The following COBL variants were observed in gnomAD, a reference collection of about 807,000 sequenced individuals.
The protein encoded by COBL is protein cordon-bleu.
Under a neutral mutation model 98.8 loss-of-function variants are expected in COBL, and 51 were observed. The ratio of observed to expected loss-of-function variants is 0.52; its 90% CI spans 0.41 to 0.65. The LOEUF is 0.65. Among genes scored for constraint, COBL ranks in the 30% least tolerant of loss-of-function variants. The pLI is 0.00. For synonymous variants in COBL, 634 were observed against 651.7 expected (o/e 0.97, Z 0.41); for missense variants, 1,617 against 1,617.5 (o/e 1.00, Z 0.01).
intron 4 of COBL, chr7:51,188,104 C>G: frequency 1.7e-6 from 1 of 590,506 alleles, no homozygotes; most frequent in East Asian, 3.5e-5. Context: ...GCTTGCCTCT[C>G]TGGGCTGGCC....
intron 7 of COBL, among the ~76,000 whole-genome samples, chr7:51,056,229 T>A (rs1177574739): frequency 5.6e-5 from 5 of 89,104 alleles, no homozygotes; most frequent in African/African-American, 1.4e-4. Context: ...CATGATGAAG[T>A]GGGGGCATGA....
intron 6 of COBL, among the ~76,000 whole-genome samples, chr7:51,102,037 C>G (rs1795853182): frequency 6.6e-6 from 1 of 152,090 alleles, no homozygotes; most frequent in Non-Finnish European, 1.5e-5. Flanking sequence ...TATGAGGACA[C>G]AGCAAAAAAA....
intron 1 of COBL, among the ~76,000 whole-genome samples, chr7:51,227,872 C>T (rs1335288133): frequency 2.0e-5 from 3 of 152,218 alleles, no homozygotes; most frequent in East Asian, 1.9e-4. Flanking sequence ...GCAAACAAAA[C>T]GGAAAGCCAG....
chr7:51,033,075 A>G (rs1562822089), intron 8 of COBL: 1 of 152,178 alleles, frequency 6.6e-6, no homozygotes, highest in African/African-American at 2.4e-5. Context: ...ATTAAAAAAA[A>G]TAATAAGATA....
chr7:51,153,903 A>C (rs1374365952), intron 5 of COBL, among the ~76,000 whole-genome samples: 1 of 152,230 alleles, frequency 6.6e-6, no homozygotes, highest in Admixed American at 6.5e-5. Context: ...TCTCGCCAAT[A>C]AAATGAGACT....
At chr7:51,110,197 T>A (rs527337409) in intron 6 of COBL, among the ~76,000 whole-genome samples, 58 of 152,332 alleles carry the variant, frequency 3.8e-4, no homozygotes, top group African/African-American at 1.4e-3. Context: ...TACCAAACAC[T>A]AGAACTTATT....
chr7:51,101,276 C>T (rs1344271124), intron 6 of COBL, among the ~76,000 whole-genome samples: 11 of 152,110 alleles, frequency 7.2e-5, no homozygotes, highest in African/African-American at 2.7e-4. Flanking sequence ...GGTGCTTAAA[C>T]AAAAGGATTC....
At chr7:51,132,346 G>A (rs925935072) in intron 6 of COBL, among the ~76,000 whole-genome samples, 1 of 152,214 alleles carries the variant, frequency 6.6e-6, no homozygotes, top group Non-Finnish European at 1.5e-5. Context: ...TTCTACTGCT[G>A]GCCAAGCTGG....
chr7:51,188,401 C>A (rs1789754420), intron 4 of COBL, among the ~76,000 whole-genome samples: 1 of 152,238 alleles, frequency 6.6e-6, no homozygotes, highest in Non-Finnish European at 1.5e-5. Context: ...AGAAAGGGAG[C>A]CTCGGAGATG....
intron 6 of COBL, among the ~76,000 whole-genome samples, chr7:51,130,505 GCTCA>G (rs1470824259): frequency 6.6e-6 from 1 of 152,200 alleles, no homozygotes; most frequent in East Asian, 1.9e-4. Flanking sequence ...CAACACCACA[GCTCA>G]CAGAGATGGG....
intron 1 of COBL, among the ~76,000 whole-genome samples, chr7:51,256,397 GT>G (rs1797200347): frequency 6.6e-6 from 1 of 152,226 alleles, no homozygotes; most frequent in South Asian, 2.1e-4. Flanking sequence ...CCACAAGCAA[GT>G]CTTTGTGTGT....
intron 2 of COBL, among the ~76,000 whole-genome samples, chr7:51,199,248 C>T (rs373992630): frequency 2.0e-5 from 3 of 152,158 alleles, no homozygotes; most frequent in Non-Finnish European, 2.9e-5. Flanking sequence ...GACCCTGAAA[C>T]GGCCAACTTA....
rs369758475 is a variant in COBL at position 51,219,731 on chromosome 7, C to T, written c.245+10G>A. The T allele has an allele frequency of 6.8e-5, 110 of 1,611,554 alleles. No individual in the cohort carries two copies. Among genetic ancestry groups the T allele is most frequent in the East Asian group, 2.0e-4 (9 of 44,822 alleles). Reference sequence around the variant, plus strand: ...AGTACAGCGACTCCTCCTGCAGCACCGGCTCTCACCTCCCATTGAGCACGC... The same window carrying T: ...AGTACAGCGACTCCTCCTGCAGCACTGGCTCTCACCTCCCATTGAGCACGC... On this transcript the variant is annotated intron_variant, in intron 2 of 12. Coordinates refer to ENST00000265136, the MANE Select transcript of COBL (RefSeq NM_015198.5).
intron 1 of COBL, among the ~76,000 whole-genome samples, chr7:51,266,439 A>G (rs10269269): frequency 0.92 from 139,398 of 152,196 alleles, 63,996 homozygotes; most frequent in East Asian, 0.98. Context: ...TTAGCTGGGC[A>G]TGGTGGCGCA....
At chr7:51,244,331 C>A (rs568659953) in intron 1 of COBL, among the ~76,000 whole-genome samples, 211 of 152,354 alleles carry the variant, frequency 1.4e-3, no homozygotes, top group African/African-American at 4.8e-3. Context: ...CCTTCCTGTA[C>A]ACCTGCTGTC....
intron 1 of COBL, among the ~76,000 whole-genome samples, chr7:51,225,641 TTTC>T: frequency 6.6e-6 from 1 of 152,200 alleles, no homozygotes; most frequent in East Asian, 1.9e-4. Flanking sequence ...TATGAAAACA[TTTC>T]TGCCATTTCC....
chr7:51,250,854 C>T (rs1212076608), intron 1 of COBL, among the ~76,000 whole-genome samples: 1 of 152,106 alleles, frequency 6.6e-6, no homozygotes, highest in Non-Finnish European at 1.5e-5. Context: ...TGCTGGAAGG[C>T]CCAAAAGACT....
intron 5 of COBL, among the ~76,000 whole-genome samples, chr7:51,168,014 T>A (rs1787492506): frequency 6.6e-6 from 1 of 152,108 alleles, no homozygotes; most frequent in South Asian, 2.1e-4. Context: ...AAAAATTTCT[T>A]GAGCAGTACC....
intron 1 of COBL, among the ~76,000 whole-genome samples, chr7:51,285,965 G>T (rs1304438852): frequency 6.6e-6 from 1 of 152,084 alleles, no homozygotes; most frequent in Non-Finnish European, 1.5e-5. Flanking sequence ...TTTTATGAAG[G>T]TGTAAAGGCA....
Sources: allele counts gnomAD v4.1 joint callset (sites outside exome capture counted in the v4.1 genomes callset), GRCh38; gene constraint gnomAD v4.1.1; transcripts MANE v1.5; gene names NCBI Gene and HGNC (gene_info 2026-07-23, HGNC 2026-07-21).